SPATA7: variants seen among roughly 807,000 people sequenced by gnomAD.
SPATA7 encodes the protein spermatogenesis-associated protein 7.
SPATA7 carries 43 observed loss-of-function variants against 51.8 expected under a neutral mutation model. That is an observed-to-expected ratio of 0.83 (90% confidence interval 0.65 to 1.07). The LOEUF (loss-of-function observed/expected upper bound fraction) is 1.07. SPATA7 is among the 50% of genes least tolerant of loss of function. SPATA7 has a pLI of 0.00. For missense variants in SPATA7, 683 were observed against 701.3 expected (o/e 0.97, Z 0.30); for synonymous variants, 230 against 252.8 (o/e 0.91, Z 0.86).
chr14:88,417,820 AT>A (rs2076527493), intron 5 of SPATA7, among the ~76,000 whole-genome samples: 1 of 152,100 alleles, frequency 6.6e-6, no homozygotes, highest in East Asian at 1.9e-4. Context: ...GTGTCTGGTT[AT>A]GCTATCCTCA....
At chr14:88,401,193 A>G (rs911053267) in intron 4 of SPATA7, among the ~76,000 whole-genome samples, 3 of 152,258 alleles carry the variant, frequency 2.0e-5, no homozygotes, top group Admixed American at 6.5e-5. Flanking sequence ...GTGGTTCAAC[A>G]TATGCAAATC....
downstream of SPATA7, among the ~76,000 whole-genome samples, chr14:88,458,210 A>C (rs1446954478): frequency 2.0e-5 from 3 of 152,096 alleles, no homozygotes; most frequent in Non-Finnish European, 2.9e-5. Flanking sequence ...TGTCTTTGTC[A>C]GGCTTTGGTA....
At chr14:88,447,646 C>G (rs878903181) in intron 3 of SPATA7, among the ~76,000 whole-genome samples, 1 of 151,164 alleles carries the variant, frequency 6.6e-6, no homozygotes, top group Non-Finnish European at 1.5e-5. Flanking sequence ...CCATGTTTAG[C>G]GCTTCCTTCA....
At chr14:88,412,222 CTTTT>C (rs58818266) in intron 4 of SPATA7, among the ~76,000 whole-genome samples, 2 of 135,026 alleles carry the variant, frequency 1.5e-5, no homozygotes, top group African/African-American at 5.7e-5. Context: ...TTTCTTCTTG[CTTTT>C]TTTTTTTTTT....
intron 4 of SPATA7, chr14:88,467,872 C>G: frequency 2.2e-6 from 1 of 456,648 alleles, no homozygotes; most frequent in Non-Finnish European, 3.9e-6. Context: ...AAAATGTGTG[C>G]AAGTACTGCA....
intron 4 of SPATA7, among the ~76,000 whole-genome samples, chr14:88,397,643 GAAAAAAA>G (rs762638350): frequency 5.7e-5 from 4 of 70,790 alleles, no homozygotes; most frequent in Non-Finnish European, 1.2e-4. Context: ...GCTGTCTCAA[GAAAAAAA>G]AAAAAAAAGG....
rs377621952 is a variant in SPATA7 at position 88,401,487 on chromosome 14, G to A, written c.238+5284G>A. The stretch of plus-strand genomic sequence containing the variant: ...ACTTCTGTTTAACATAGTATTGGAA[G>A]TCCTAGCCAGAGCAATTAGACAAGA... On this transcript the variant is annotated intron_variant, in intron 4 of 11. Transcript: ENST00000393545. Among the ~76,000 whole-genome samples, 28 of 152,220 alleles carry A rather than the reference G, an allele frequency of 1.8e-4. No individual in the cohort carries two copies. In the East Asian group the frequency reaches 3.7e-3, roughly 20 times the overall value.
intron 4 of SPATA7, among the ~76,000 whole-genome samples, chr14:88,408,259 ATTTG>A (rs2076248797): frequency 1.3e-5 from 2 of 151,982 alleles, no homozygotes; most frequent in Admixed American, 1.3e-4. Flanking sequence ...ATGGTTTTCC[ATTTG>A]TTTGTGTCCT....
chr14:88,413,362 G>A (rs1293281811), intron 4 of SPATA7, among the ~76,000 whole-genome samples: 2 of 152,074 alleles, frequency 1.3e-5, no homozygotes, highest in Non-Finnish European at 1.5e-5. Flanking sequence ...TATCATTGGT[G>A]TATAGAAATG....
At chr14:88,421,170 A>T (rs1224139978) in intron 5 of SPATA7, among the ~76,000 whole-genome samples, 1 of 152,074 alleles carries the variant, frequency 6.6e-6, no homozygotes, top group Non-Finnish European at 1.5e-5. Context: ...TGATGTTTAG[A>T]TTTCCCCACT....
At chr14:88,411,725 A>G (rs1164245966) in intron 4 of SPATA7, among the ~76,000 whole-genome samples, 1 of 152,074 alleles carries the variant, frequency 6.6e-6, no homozygotes, top group Non-Finnish European at 1.5e-5. Context: ...CATCCTGTAT[A>G]TGTACCACAT....
chr14:88,442,912 T>C (rs2077187465), downstream of SPATA7, among the ~76,000 whole-genome samples: 6 of 150,862 alleles, frequency 4.0e-5, no homozygotes, highest in South Asian at 1.3e-3. Context: ...ATTCATCTGG[T>C]CCTGGAATTT....
intron 5 of SPATA7, among the ~76,000 whole-genome samples, chr14:88,418,279 G>A (rs941700386): frequency 2.0e-5 from 3 of 148,740 alleles, no homozygotes; most frequent in African/African-American, 7.7e-5. Context: ...CCTCTCTCTG[G>A]GTTTATTTTG....
chr14:88,388,502 T>C (rs2075645429), intron 1 of SPATA7, among the ~76,000 whole-genome samples: 1 of 152,208 alleles, frequency 6.6e-6, no homozygotes, highest in Admixed American at 6.5e-5. Context: ...CTTTGGCTCA[T>C]TCTGGGTCCA....
intron 4 of SPATA7, among the ~76,000 whole-genome samples, chr14:88,399,732 C>T (rs1330108398): frequency 2.0e-5 from 3 of 152,080 alleles, no homozygotes; most frequent in Admixed American, 6.5e-5. Context: ...AAAATGATCT[C>T]TAGAGACAAT....
intron 4 of SPATA7, among the ~76,000 whole-genome samples, chr14:88,462,054 T>C (rs1479440030): frequency 6.6e-6 from 1 of 152,202 alleles, no homozygotes; most frequent in Non-Finnish European, 1.5e-5. Flanking sequence ...TACAAAACCT[T>C]ACCAAAATCC....
chr14:88,444,131 C>G (rs1236420189), intron 3 of SPATA7, among the ~76,000 whole-genome samples: 1 of 151,898 alleles, frequency 6.6e-6, no homozygotes, highest in African/African-American at 2.4e-5. Context: ...TTCTCCACAT[C>G]CTCTCCAGCA....
chr14:88,387,803 C>G (rs1256369159), intron 1 of SPATA7, among the ~76,000 whole-genome samples: 9 of 152,138 alleles, frequency 5.9e-5, no homozygotes, highest in African/African-American at 2.2e-4. Flanking sequence ...ATATATAAGG[C>G]ATGGTTTCCA....
chr14:88,438,209 C>T lies in SPATA7; in HGVS notation c.1587C>T (p.Asp529=). The change falls in exon 12 of 12, where the codon GAC becomes GAT. Residue 529 remains aspartate (D), a synonymous_variant. Coordinates refer to ENST00000393545, the MANE Select transcript of SPATA7 (RefSeq NM_018418.5). ...ATGAAAATCATCCAAGTATTTCAGACAGTTTAACAGATCGGGAAACTTCTG... is the reference window on the plus strand; with the variant it reads ...ATGAAAATCATCCAAGTATTTCAGATAGTTTAACAGATCGGGAAACTTCTG... The part of the protein sequence containing the change: ...TLDENHPSIS[D]SLTDRETSVN... The T allele has an allele frequency of 6.2e-7, 1 of 1,613,942 alleles. No individual in the cohort carries two copies. The highest frequency in any genetic ancestry group is 8.5e-7 in the Non-Finnish European group (1 of 1,179,972).
Sources: gnomAD v4.1 joint callset for allele counts (sites outside exome capture counted in the v4.1 genomes callset) on GRCh38, gnomAD v4.1.1 for gene constraint, MANE v1.5 for transcripts, NCBI Gene and HGNC (gene_info 2026-07-23, HGNC 2026-07-21) for gene names.